PTPRN2: variants seen among roughly 807,000 people sequenced by gnomAD.
PTPRN2 encodes the protein protein tyrosine phosphatase receptor type N2.
Under a neutral mutation model 118.8 loss-of-function variants are expected in PTPRN2, and 74 were observed. The observed-to-expected ratio is 0.62, with a 90% CI of 0.52 to 0.76. The LOEUF is 0.76. PTPRN2 is among the 30% of genes least tolerant of loss of function. The pLI, the probability that PTPRN2 is intolerant of heterozygous loss-of-function variation, is 0.00. For missense variants in PTPRN2, 1,481 were observed against 1,394.4 expected (o/e 1.06, Z -0.99); for synonymous variants, 641 against 608.0 (o/e 1.05, Z -0.80).
rs972711755 is a variant in PTPRN2 at position 157,964,150 on chromosome 7, C to T, written c.1724-65413G>A. Among the ~76,000 whole-genome samples, 1 of 152,160 alleles carries T rather than the reference C, an allele frequency of 6.6e-6. No homozygotes were observed. Among genetic ancestry groups the T allele is most frequent in the Non-Finnish European group, 1.5e-5 (1 of 68,018 alleles). ...TGTGTGGGACCCCCGTTCCCACTGG[C>T]ACACCATGGGGACAGCTGGGTGGGG... On this transcript the variant is annotated intron_variant, in intron 11 of 22. Coordinates refer to ENST00000389418, the MANE Select transcript of PTPRN2 (RefSeq NM_002847.5). This position sits in a 1 kb window ranked among gnomAD's most constrained non-coding sequence, Gnocchi z 9.0.
chr7:158,342,537 A>G (rs1208343389), intron 2 of PTPRN2, among the ~76,000 whole-genome samples: 16 of 133,364 alleles, frequency 1.2e-4, no homozygotes, highest in African/African-American at 3.3e-4. Context: ...TGCAGACGTC[A>G]CTCACACCCA....
At chr7:157,867,902 G>A (rs1810811074) in intron 12 of PTPRN2, among the ~76,000 whole-genome samples, 1 of 152,162 alleles carries the variant, frequency 6.6e-6, no homozygotes, top group Non-Finnish European at 1.5e-5. Context: ...GTGGAGGTGT[G>A]CCCAGGCCCA....
intron 3 of PTPRN2, among the ~76,000 whole-genome samples, chr7:158,211,944 T>C (rs960390269): frequency 2.6e-5 from 4 of 152,166 alleles, no homozygotes; most frequent in Non-Finnish European, 4.4e-5. Context: ...TTAACAACAG[T>C]GAACATTTGG....
chr7:158,192,948 A>C (rs574712771), intron 4 of PTPRN2, among the ~76,000 whole-genome samples: 1 of 152,290 alleles, frequency 6.6e-6, no homozygotes, highest in South Asian at 2.1e-4. Flanking sequence ...CAGAAGCTGG[A>C]AAAGGCAGGA....
intron 12 of PTPRN2, among the ~76,000 whole-genome samples, chr7:157,718,085 T>C (rs1799020621): frequency 6.6e-6 from 1 of 152,264 alleles, no homozygotes; most frequent in Non-Finnish European, 1.5e-5. Flanking sequence ...TAACCTGTTA[T>C]AAATTACCTT....
intron 10 of PTPRN2, among the ~76,000 whole-genome samples, chr7:158,092,077 G>T (rs1294517529): frequency 2.0e-5 from 3 of 150,734 alleles, no homozygotes; most frequent in Non-Finnish European, 4.4e-5. Context: ...GAGATGGTTG[G>T]GTGGGTGGAT....
rs75182233 is a variant in PTPRN2, at chr7:157,754,327, C to T, written c.1789-71390G>A. On this transcript the variant is annotated intron_variant, in intron 12 of 22. Transcript: ENST00000389418. The stretch of plus-strand genomic sequence containing the variant: ...TACCTGGTGCTTCTCCAGCATGGGC[C>T]TGTCTAGCAAAGCAGTGGCAGTGCT... Among the ~76,000 whole-genome samples, 1,341 of 152,360 alleles carry T rather than the reference C, an allele frequency of 8.8e-3. 17 individuals are homozygous for T. The highest frequency in any genetic ancestry group is 0.03 in the African/African-American group (1,237 of 41,582).
intron 12 of PTPRN2, among the ~76,000 whole-genome samples, chr7:157,700,126 T>A (rs2150861422): frequency 6.6e-6 from 1 of 152,366 alleles, no homozygotes; most frequent in Admixed American, 6.5e-5. Flanking sequence ...ACCAGAAATC[T>A]AGTCTTACGT....
At chr7:158,527,597 G>A (rs549430030) in intron 1 of PTPRN2, among the ~76,000 whole-genome samples, 5 of 152,326 alleles carry the variant, frequency 3.3e-5, no homozygotes, top group East Asian at 1.9e-4. Context: ...CTCCCAGGCC[G>A]CTGGTCCTTC....
At chr7:158,106,416 A>G (rs896459222) in intron 10 of PTPRN2, among the ~76,000 whole-genome samples, 3 of 151,858 alleles carry the variant, frequency 2.0e-5, no homozygotes, top group African/African-American at 7.3e-5. Context: ...TTTCCTCCAA[A>G]GCTCCACCAT....
In PTPRN2 at chr7:157,622,556, A is replaced by G. The variant is rs1451638945; in HGVS notation, c.2197-1047T>C. The stretch of plus-strand genomic sequence containing the variant: ...GAGGGCTGGACACGGCGAGGCGGGA[A>G]TCTCAGGTCATCGTGCCGTCTAGTG... On this transcript the variant is annotated intron_variant, in intron 14 of 22. Transcript: ENST00000389418. The surrounding 1 kb of genome is among the most constrained non-coding windows in gnomAD (Gnocchi z 5.3). Among the ~76,000 whole-genome samples the G allele has an allele frequency of 6.6e-6, 1 of 152,130 alleles. No individual in the cohort carries two copies. Among genetic ancestry groups the G allele is most frequent in the Non-Finnish European group, 1.5e-5 (1 of 68,032 alleles).
At chr7:158,351,211 C>G (rs915051972) in intron 2 of PTPRN2, among the ~76,000 whole-genome samples, 1 of 152,178 alleles carries the variant, frequency 6.6e-6, no homozygotes, top group Admixed American at 6.5e-5. Flanking sequence ...ACCACCTCCA[C>G]CCACCCCCAG....
intron 3 of PTPRN2, among the ~76,000 whole-genome samples, chr7:158,277,124 C>T (rs1333102867): frequency 2.0e-5 from 3 of 148,710 alleles, no homozygotes; most frequent in African/African-American, 7.3e-5. Flanking sequence ...CACACACACA[C>T]GTGCCCGCAC....
At chr7:157,775,801 C>T (rs1803174221) in intron 12 of PTPRN2, among the ~76,000 whole-genome samples, 1 of 152,128 alleles carries the variant, frequency 6.6e-6, no homozygotes, top group Non-Finnish European at 1.5e-5. Flanking sequence ...GGGTTCCTCA[C>T]AGGGCATCTG....
intron 7 of PTPRN2, among the ~76,000 whole-genome samples, chr7:158,137,422 A>G (rs180975083): frequency 6.6e-6 from 1 of 152,146 alleles, no homozygotes; most frequent in East Asian, 1.9e-4. Flanking sequence ...ATCTCAAAAA[A>G]TAAAATAAAA....
At chr7:158,130,612 ATAC>A (rs1563477880) in intron 9 of PTPRN2, among the ~76,000 whole-genome samples, 4 of 151,588 alleles carry the variant, frequency 2.6e-5, no homozygotes, top group African/African-American at 9.7e-5. Context: ...TCTACCCTAC[ATAC>A]ACACTCATAT....
At chr7:158,531,860 C>T (rs1825267032) in intron 1 of PTPRN2, among the ~76,000 whole-genome samples, 1 of 152,192 alleles carries the variant, frequency 6.6e-6, no homozygotes, top group Non-Finnish European at 1.5e-5. Context: ...ACGCTGGCTC[C>T]AACCTACTAG....
chr7:157,974,877 C>G lies in PTPRN2; in HGVS notation c.1724-76140G>C. On this transcript the variant is annotated intron_variant, in intron 11 of 22. Coordinates refer to ENST00000389418, the MANE Select transcript of PTPRN2 (RefSeq NM_002847.5). This position sits in a 1 kb window ranked among gnomAD's most constrained non-coding sequence, Gnocchi z 4.0. ...TGAGAAGAGGTGCCCACGTCCATCC[C>G]CAGCCCCTCAGGCATGTTCACCATC... Among the ~76,000 whole-genome samples the G allele has an allele frequency of 6.6e-6, 1 of 152,092 alleles. No homozygotes were observed. The highest frequency in any genetic ancestry group is 1.9e-4 in the East Asian group (1 of 5,192).
At chr7:157,757,166 C>T (rs1003977950) in intron 12 of PTPRN2, among the ~76,000 whole-genome samples, 2 of 151,626 alleles carry the variant, frequency 1.3e-5, no homozygotes, top group African/African-American at 2.4e-5. Flanking sequence ...AAAAACCTAG[C>T]CTTGCAGCTG....
Sources: allele counts gnomAD v4.1 joint callset (sites outside exome capture counted in the v4.1 genomes callset), GRCh38; gene constraint gnomAD v4.1.1; non-coding constraint Gnocchi (gnomAD v3.1); transcripts MANE v1.5; gene names NCBI Gene and HGNC (gene_info 2026-07-23, HGNC 2026-07-21).